Variants in UBAP1 observed in about 807,000 individuals in gnomAD.
The protein encoded by UBAP1 is ubiquitin associated protein 1.
In UBAP1, 5 loss-of-function variants were observed where a neutral mutation model predicts 39.0. The ratio of observed to expected loss-of-function variants is 0.13; its 90% CI spans 0.07 to 0.27. UBAP1 has a LOEUF of 0.27. UBAP1 is among the 10% of genes least tolerant of loss of function. The pLI is 1.00. For missense variants in UBAP1, 490 were observed against 608.1 expected, an observed-to-expected ratio of 0.81 and a Z score of 2.04; for synonymous variants, 211 against 225.1, an observed-to-expected ratio of 0.94 and a Z score of 0.56.
At chr9:34,221,475 A>T (rs1832756071) in intron 2 of UBAP1, among the ~76,000 whole-genome samples, 2 of 150,104 alleles carry the variant, frequency 1.3e-5, no homozygotes, top group South Asian at 4.2e-4. Context: ...GCTTGCAGTG[A>T]GCCGAGATCG....
intron 1 of UBAP1, among the ~76,000 whole-genome samples, chr9:34,182,160 GTTTATTTA>G (rs10530740): frequency 0.042 from 3,464 of 82,822 alleles, 107 homozygotes; most frequent in Non-Finnish European, 0.064. Flanking sequence ...GATCCCTGAC[GTTTATTTA>G]TTTATTTATT....
chr9:34,179,934 T>A (rs1302775074), intron 1 of UBAP1, among the ~76,000 whole-genome samples: 2 of 152,278 alleles, frequency 1.3e-5, no homozygotes, highest in African/African-American at 4.8e-5. Context: ...AAAAGTATGG[T>A]TGGGCATAAA....
rs1029763576 is a variant in UBAP1, at chr9:34,249,695, A to C, written c.1084-84A>C. 37 of 1,355,930 alleles carry C rather than the reference A, an allele frequency of 2.7e-5. No individual in the cohort carries two copies. In the African/African-American group the frequency reaches 4.8e-4, roughly 17 times the overall value. The allele number at this position is 1,355,930 out of a possible 1,614,324, so 84.0% of individuals were successfully genotyped here. A position where few individuals can be genotyped will look rare whatever the true frequency, so the allele number is the denominator to read the frequency against. ...TCTTGGGGCTTGAATAGTGTCAGAA[A>C]TGCCAACCCCTGGACTAGGCTGCCT... On this transcript the variant is annotated intron_variant, in intron 4 of 6. Coordinates refer to ENST00000297661, the MANE Select transcript of UBAP1 (RefSeq NM_016525.5).
chr9:34,213,114 A>C (rs1399200092), intron 1 of UBAP1, among the ~76,000 whole-genome samples: 2 of 152,302 alleles, frequency 1.3e-5, no homozygotes, highest in East Asian at 3.9e-4. Flanking sequence ...TGATCATCTC[A>C]ATAGATGCAG....
intron 1 of UBAP1, among the ~76,000 whole-genome samples, chr9:34,217,488 G>A (rs1000557226): frequency 2.6e-5 from 4 of 152,058 alleles, no homozygotes; most frequent in African/African-American, 7.2e-5. Flanking sequence ...TGCCTTCTTC[G>A]GCTTCTCAAA....
chr9:34,232,259 G>C (rs971328828), intron 2 of UBAP1, among the ~76,000 whole-genome samples: 2 of 151,782 alleles, frequency 1.3e-5, no homozygotes, highest in Non-Finnish European at 2.9e-5. Context: ...CCTCCCAAAG[G>C]GGTGAGACTA....
intron 1 of UBAP1, among the ~76,000 whole-genome samples, chr9:34,211,788 A>G (rs1832031683): frequency 6.6e-6 from 1 of 151,522 alleles, no homozygotes; most frequent in African/African-American, 2.4e-5. Flanking sequence ...CTCTCCCTGC[A>G]TTTCTCTTGT....
At chr9:34,224,948 G>A (rs1428300729) in intron 2 of UBAP1, among the ~76,000 whole-genome samples, 1 of 152,146 alleles carries the variant, frequency 6.6e-6, no homozygotes. Context: ...AGTACACAGG[G>A]CTATAAATGG....
intron 1 of UBAP1, among the ~76,000 whole-genome samples, chr9:34,184,892 G>A (rs1366543874): frequency 1.3e-5 from 2 of 149,038 alleles, no homozygotes; most frequent in African/African-American, 5.0e-5. Flanking sequence ...AAAGTGCTGG[G>A]ATTACAGGCG....
intron 1 of UBAP1, among the ~76,000 whole-genome samples, chr9:34,188,493 C>G (rs1830539776): frequency 6.8e-6 from 1 of 147,742 alleles, no homozygotes; most frequent in Non-Finnish European, 1.5e-5. Flanking sequence ...TCTTAAATGC[C>G]TGGCCTCAAG....
intron 5 of UBAP1, 78 bp downstream of exon 5, chr9:34,250,039 T>C: frequency 6.7e-7 from 1 of 1,492,828 alleles, no homozygotes; most frequent in Non-Finnish European, 9.2e-7. Context: ...CTAGAGCCCC[T>C]CAGACTTGTA....
At chr9:34,196,898 TTGTGTGTGTGTGTGTGTGTGTG>T (rs777008697) in intron 1 of UBAP1, among the ~76,000 whole-genome samples, 15 of 141,436 alleles carry the variant, frequency 1.1e-4, no homozygotes, top group Admixed American at 7.3e-5. Flanking sequence ...ATATTGTTAT[TTGTGTGTGTGTGTGTGTGTGTG>T]TGTGTGTGTG....
intron 1 of UBAP1, among the ~76,000 whole-genome samples, chr9:34,213,178 A>G (rs1832110468): frequency 6.6e-6 from 1 of 152,110 alleles, no homozygotes; most frequent in African/African-American, 2.4e-5. Flanking sequence ...TCTCAGCAAA[A>G]TCAGCATACG....
chr9:34,251,594 A>T lies in UBAP1; in HGVS notation c.*62A>T. Reference sequence around the variant, plus strand: ...ATCCCTGGGAGGCCCTGCAGAGCCCACCTGTGGGGAAAGAGAAGGGGCAGC... The same window carrying T: ...ATCCCTGGGAGGCCCTGCAGAGCCCTCCTGTGGGGAAAGAGAAGGGGCAGC... On this transcript the variant is annotated 3_prime_UTR_variant, in exon 7 of 7. Transcript: ENST00000297661. The T allele has an allele frequency of 6.4e-7, 1 of 1,560,680 alleles. No homozygotes were observed. The highest frequency in any genetic ancestry group is 8.7e-7 in the Non-Finnish European group (1 of 1,155,892).
chr9:34,237,641 C>T (rs1200766847), intron 3 of UBAP1, among the ~76,000 whole-genome samples: 1 of 152,132 alleles, frequency 6.6e-6, no homozygotes, highest in African/African-American at 2.4e-5. Context: ...AGTCATGGCT[C>T]ACTGCAGCCT....
At chr9:34,250,179 T>C (rs1199427276) in intron 5 of UBAP1, among the ~76,000 whole-genome samples, 3 of 152,224 alleles carry the variant, frequency 2.0e-5, no homozygotes, top group African/African-American at 4.8e-5. Context: ...TTTGGGAGAA[T>C]TGGAGCTGTT....
intron 2 of UBAP1, chr9:34,224,634 G>A (rs12001712): frequency 0.013 from 4,745 of 359,926 alleles, 212 homozygotes; most frequent in African/African-American, 0.092. Flanking sequence ...CCCATTGCTC[G>A]GCGCTGGCTG....
At chr9:34,212,695 A>G (rs1832085664) in intron 1 of UBAP1, among the ~76,000 whole-genome samples, 1 of 144,062 alleles carries the variant, frequency 6.9e-6, no homozygotes, top group Non-Finnish European at 1.5e-5. Flanking sequence ...AATAACAAGC[A>G]GCAAGATTGA....
intron 4 of UBAP1, 139 bp from the exon 5 acceptor site, chr9:34,249,640 C>T (rs1834364039): frequency 1.3e-6 from 1 of 761,828 alleles, no homozygotes; most frequent in African/African-American, 1.7e-5. Flanking sequence ...TGACCAGCAA[C>T]CTGGCGATTT....
Sources: allele counts gnomAD v4.1 joint callset (sites outside exome capture counted in the v4.1 genomes callset), GRCh38; gene constraint gnomAD v4.1.1; transcripts MANE v1.5; gene names NCBI Gene and HGNC (gene_info 2026-07-23, HGNC 2026-07-21).